The following SIL1 variants were observed in gnomAD, a reference collection of about 807,000 sequenced individuals.
SIL1 encodes SIL1 nucleotide exchange factor, also known as nucleotide exchange factor SIL1.
A neutral mutation model predicts 49.1 loss-of-function variants in SIL1; 40 were observed. The ratio of observed to expected loss-of-function variants is 0.81; its 90% CI spans 0.63 to 1.06. The LOEUF is 1.06. SIL1 is among the 50% of genes least tolerant of loss of function. SIL1 has a pLI of 0.00. For synonymous variants in SIL1, 253 were observed against 250.8 expected (o/e 1.01, Z -0.08); for missense variants, 500 against 572.6 (o/e 0.87, Z 1.29).
chr5:139,185,067 G>C (rs1752055518), intron 1 of SIL1, among the ~76,000 whole-genome samples: 1 of 152,156 alleles, frequency 6.6e-6, no homozygotes, highest in African/African-American at 2.4e-5. Flanking sequence ...TTGTTTCCCA[G>C]CCAGGGCCAC....
At chr5:138,988,865 T>C (rs1411362016) in intron 7 of SIL1, among the ~76,000 whole-genome samples, 1 of 152,236 alleles carries the variant, frequency 6.6e-6, no homozygotes, top group African/African-American at 2.4e-5. Context: ...AGCGAGACCG[T>C]ATCTCTACCA....
chr5:139,107,090 T>C (rs575955558), intron 3 of SIL1, among the ~76,000 whole-genome samples: 1 of 152,334 alleles, frequency 6.6e-6, no homozygotes, highest in African/African-American at 2.4e-5. Context: ...AGTTGCTGTA[T>C]GGCCCCGCTG....
In SIL1 at chr5:138,951,183, C is replaced by T. The variant is rs769587333; in HGVS notation, c.1017G>A (p.Leu339=). 1 of 1,611,492 alleles carries T rather than the reference C, an allele frequency of 6.2e-7. No individual in the cohort carries two copies. The highest frequency in any genetic ancestry group is 1.1e-5 in the South Asian group (1 of 90,282). ...CCTGGGCACTCACCTTCTCCGTGAC[C>T]AGGTCGTAGAGCAGTGTGACCACGC... The part of the protein sequence containing the change: ...AVRVVTLLYD[L]VTEKMFAEEE... Residue 339 remains leucine (L), a synonymous_variant, in exon 9 of 10, where the codon CTG becomes CTA. Coordinates refer to ENST00000394817, the MANE Select transcript of SIL1 (RefSeq NM_022464.5).
chr5:139,072,548 T>C (rs559229817), intron 3 of SIL1, among the ~76,000 whole-genome samples: 2 of 152,274 alleles, frequency 1.3e-5, no homozygotes, highest in South Asian at 2.1e-4. Flanking sequence ...ATATACCATA[T>C]GCAAAATCAA....
chr5:138,988,748 C>T (rs751921316), intron 7 of SIL1, among the ~76,000 whole-genome samples: 4 of 152,094 alleles, frequency 2.6e-5, no homozygotes, highest in Non-Finnish European at 4.4e-5. Context: ...TGGTACGTAC[C>T]TGTGGTCCCA....
At position 138,971,958 on chromosome 5, in the gene SIL1, C is replaced by T. The variant is rs138308544; in HGVS notation, c.768-20074G>A. On this transcript the variant is annotated intron_variant, in intron 7 of 9. Coordinates refer to ENST00000394817, the MANE Select transcript of SIL1 (RefSeq NM_022464.5). ...TCATCTCTCTGGCTAAATATCAAAG[C>T]AGCTTCCCTTCTCAAGCGTGTCCAA... 2.3e-3 allele frequency among the ~76,000 whole-genome samples: 356 copies of T among 152,306 alleles called. 1 individual carries two copies. The highest frequency in any genetic ancestry group is 7.9e-3 in the African/African-American group (328 of 41,566).
intron 1 of SIL1, among the ~76,000 whole-genome samples, chr5:139,183,773 T>C (rs1200640253): frequency 1.3e-5 from 2 of 152,174 alleles, no homozygotes; most frequent in African/African-American, 2.4e-5. Flanking sequence ...AGGAATGCCC[T>C]ACATGCCAAG....
At chr5:139,163,576 G>A (rs989254997) in intron 1 of SIL1, among the ~76,000 whole-genome samples, 3 of 151,942 alleles carry the variant, frequency 2.0e-5, no homozygotes, top group African/African-American at 7.2e-5. Flanking sequence ...CACCATATTG[G>A]TCATGCTGGT....
At chr5:139,015,739 C>T (rs149592499) in intron 7 of SIL1, among the ~76,000 whole-genome samples, 243 of 152,332 alleles carry the variant, frequency 1.6e-3, no homozygotes, top group Middle Eastern at 6.8e-3. Flanking sequence ...GGCTTCCAAG[C>T]AAACATCTCT....
intron 1 of SIL1, among the ~76,000 whole-genome samples, chr5:139,197,899 C>A (rs1370122554): frequency 6.6e-6 from 1 of 151,564 alleles, no homozygotes; most frequent in Non-Finnish European, 1.5e-5. Flanking sequence ...AAGAGACACA[C>A]GGGTCTCGGA....
chr5:138,974,177 G>A (rs570911633), intron 7 of SIL1, among the ~76,000 whole-genome samples: 5 of 152,294 alleles, frequency 3.3e-5, no homozygotes, highest in South Asian at 2.1e-4. Flanking sequence ...TCAGGAAAGC[G>A]TGAACTCGGC....
intron 7 of SIL1, among the ~76,000 whole-genome samples, chr5:138,967,275 C>T (rs1767165268): frequency 1.3e-5 from 2 of 152,320 alleles, no homozygotes; most frequent in South Asian, 4.1e-4. Context: ...AATTCTCAAG[C>T]GTCACCCCAG....
intron 4 of SIL1, among the ~76,000 whole-genome samples, chr5:139,050,407 A>G (rs1276798953): frequency 1.3e-5 from 2 of 152,258 alleles, no homozygotes; most frequent in East Asian, 1.9e-4. Context: ...ATTGAATAAT[A>G]TAACCTGGTT....
chr5:139,008,931 A>G (rs959299791), intron 7 of SIL1, among the ~76,000 whole-genome samples: 18 of 151,212 alleles, frequency 1.2e-4, no homozygotes, highest in African/African-American at 3.4e-4. Flanking sequence ...AAAAAAATGT[A>G]TATTCTGTTG....
chr5:139,089,916 C>T (rs1446208118), intron 3 of SIL1, among the ~76,000 whole-genome samples: 3 of 152,240 alleles, frequency 2.0e-5, no homozygotes, highest in Non-Finnish European at 1.5e-5. Context: ...GTACTAAATA[C>T]CACTGAGCTT....
intron 6 of SIL1, among the ~76,000 whole-genome samples, chr5:139,023,765 GC>G (rs909891440): frequency 1.9e-4 from 29 of 152,224 alleles, no homozygotes; most frequent in Admixed American, 1.2e-3. Flanking sequence ...ATCACCCCAA[GC>G]CCCCATCACA....
At chr5:139,024,776 C>A (rs990914442) in intron 6 of SIL1, among the ~76,000 whole-genome samples, 4 of 152,248 alleles carry the variant, frequency 2.6e-5, no homozygotes, top group Non-Finnish European at 5.9e-5. Context: ...CAGATCACAT[C>A]ATTCTTCTGC....
At chr5:139,174,937 CAAA>C (rs56959325) in intron 1 of SIL1, among the ~76,000 whole-genome samples, 2 of 59,846 alleles carry the variant, frequency 3.3e-5, no homozygotes, top group African/African-American at 8.0e-5. Context: ...GACTGTGTCT[CAAA>C]AAAAAAAAAA....
chr5:139,018,140 T>C (rs367822833), intron 7 of SIL1, among the ~76,000 whole-genome samples: 1 of 152,210 alleles, frequency 6.6e-6, no homozygotes, highest in Non-Finnish European at 1.5e-5. Flanking sequence ...TTAGTAGTCA[T>C]GTCAATTACA....
Sources: allele counts gnomAD v4.1 joint callset (sites outside exome capture counted in the v4.1 genomes callset), GRCh38; gene constraint gnomAD v4.1.1; transcripts MANE v1.5; gene names NCBI Gene and HGNC (gene_info 2026-07-23, HGNC 2026-07-21).